The following C4orf50 variants were observed in gnomAD, a reference collection of about 807,000 sequenced individuals.
The protein encoded by C4orf50 is chromosome 4 open reading frame 50.
In C4orf50, 80 loss-of-function variants were observed where a neutral mutation model predicts 77.2. The observed-to-expected ratio is 1.04, with a 90% confidence interval of 0.87 to 1.25. The LOEUF (loss-of-function observed/expected upper bound fraction) is 1.25, where lower values mean the gene tolerates loss of function less well. Ranked by LOEUF, C4orf50 falls within the 50% of genes most tolerant of loss-of-function variation. The pLI is 0.00. For synonymous variants in C4orf50, 532 were observed against 465.3 expected, an observed-to-expected ratio of 1.14 and a Z score of -1.84; for missense variants, 1,257 against 1,152.9, an observed-to-expected ratio of 1.09 and a Z score of -1.31.
At chr4:5,978,547 C>T (rs368414071) in intron 29 of C4orf50, among the ~76,000 whole-genome samples, 4 of 152,190 alleles carry the variant, frequency 2.6e-5, no homozygotes, top group East Asian at 3.8e-4. Context: ...CACACACACC[C>T]CCTCCCCACA....
chr4:5,951,576 T>C (rs1451686863), intron 7 of C4orf50, among the ~76,000 whole-genome samples: 1 of 152,200 alleles, frequency 6.6e-6, no homozygotes, highest in Non-Finnish European at 1.5e-5. Context: ...ACTTTATCTA[T>C]GAGGTGAAAT....
At chr4:6,016,489 C>T (rs1040687899) in intron 23 of C4orf50, among the ~76,000 whole-genome samples, 1 of 152,152 alleles carries the variant, frequency 6.6e-6, no homozygotes, top group African/African-American at 2.4e-5. Context: ...GTGGGGTTTG[C>T]AGTGAGCCAA....
intron 25 of C4orf50, among the ~76,000 whole-genome samples, chr4:5,995,434 C>T (rs1200091075): frequency 6.6e-6 from 1 of 151,664 alleles, no homozygotes; most frequent in Non-Finnish European, 1.5e-5. Context: ...TCAGAGGCAG[C>T]TCCTTCCTCC....
chr4:6,006,020 C>G (rs901076508), intron 25 of C4orf50, among the ~76,000 whole-genome samples: 4 of 152,176 alleles, frequency 2.6e-5, no homozygotes, highest in Non-Finnish European at 5.9e-5. Flanking sequence ...TCTGTGCACA[C>G]TTGTTTTCCA....
chr4:6,001,572 A>T (rs1270152967), intron 25 of C4orf50, among the ~76,000 whole-genome samples: 1 of 152,172 alleles, frequency 6.6e-6, no homozygotes. Flanking sequence ...CGAGCCAAGA[A>T]GCCAGATCAT....
At chr4:5,918,020 G>A (rs1478483391) in intron 7 of C4orf50, among the ~76,000 whole-genome samples, 1 of 152,172 alleles carries the variant, frequency 6.6e-6, no homozygotes, top group Non-Finnish European at 1.5e-5. Context: ...AGGGCCCCGA[G>A]GGTGAAGCAG....
rs546162560 is a variant in C4orf50, at chr4:5,988,325, C to T, written c.3699+22G>A. 1.9e-6 allele frequency: 3 copies of T among 1,608,078 alleles called. No individual in the cohort carries two copies. The African/African-American group carries it at 4.0e-5, about 21-fold the overall frequency. On this transcript the variant is annotated intron_variant, in intron 28 of 33. Coordinates refer to ENST00000531445, the Ensembl canonical transcript of C4orf50. ...AACAGAGTCATGCGTGATGAGTAAG[C>T]AGATATGCAGACCCAACCTACCATG...
intron 33 of C4orf50, 26 bp downstream of exon 11, chr4:5,964,998 A>G (rs748505215): frequency 1.9e-6 from 3 of 1,599,772 alleles, no homozygotes; most frequent in Non-Finnish European, 2.6e-6. Context: ...TTCATTTAGG[A>G]AATGAGGTGA....
At chr4:5,990,613 C>T (rs927578377) in exon 28 of C4orf50, 12 of 398,992 alleles carry the variant, frequency 3.0e-5, no homozygotes, top group Middle Eastern at 6.2e-4. Flanking sequence ...CAGCAGTGGT[C>T]GCCAAGAAGC....
At chr4:5,904,654 G>C (rs1716472805) in intron 7 of C4orf50, 1 of 152,210 alleles carries the variant, frequency 6.6e-6, no homozygotes, top group African/African-American at 2.4e-5. Context: ...GCCGAGACTA[G>C]GGGTGCTTGG....
At chr4:5,906,491 G>A (rs1716556173) in intron 7 of C4orf50, among the ~76,000 whole-genome samples, 1 of 152,172 alleles carries the variant, frequency 6.6e-6, no homozygotes, top group South Asian at 2.1e-4. Flanking sequence ...TTGCCAAGAA[G>A]AGCCTTCATG....
At chr4:5,969,859 A>AG (rs577853168) in intron 31 of C4orf50, among the ~76,000 whole-genome samples, 593 of 152,274 alleles carry the variant, frequency 3.9e-3, no homozygotes, top group Admixed American at 7.7e-3. Flanking sequence ...CTACCCAGCT[A>AG]GGAGCACAGG....
chr4:5,926,722 G>A (rs1337152205), intron 7 of C4orf50, among the ~76,000 whole-genome samples: 4 of 151,994 alleles, frequency 2.6e-5, no homozygotes, highest in Non-Finnish European at 5.9e-5. Flanking sequence ...ATAAAGTGGT[G>A]GAAATAAACC....
chr4:6,002,789 G>T (rs955503741), intron 25 of C4orf50, among the ~76,000 whole-genome samples: 1 of 152,194 alleles, frequency 6.6e-6, no homozygotes, highest in Non-Finnish European at 1.5e-5. Context: ...CCAAGAGGCT[G>T]GGTGGATATG....
chr4:5,928,473 C>T (rs1169679549), intron 7 of C4orf50, among the ~76,000 whole-genome samples: 1 of 152,098 alleles, frequency 6.6e-6, no homozygotes, highest in Admixed American at 6.5e-5. Flanking sequence ...TGATGAAAGA[C>T]CTTTGTTTGT....
At chr4:6,016,980 C>T (rs1722706564) in intron 23 of C4orf50, among the ~76,000 whole-genome samples, 1 of 152,200 alleles carries the variant, frequency 6.6e-6, no homozygotes, top group African/African-American at 2.4e-5. Context: ...CATTGTGCTT[C>T]CATGCTGGGT....
intron 25 of C4orf50, among the ~76,000 whole-genome samples, chr4:6,004,268 G>A (rs200823274): frequency 0.035 from 1,189 of 33,558 alleles, 30 homozygotes; most frequent in East Asian, 0.068. Context: ...GGTGATGGTG[G>A]TGATGGTGAT....
intron 33 of C4orf50, among the ~76,000 whole-genome samples, chr4:5,962,568 C>G (rs914740725): frequency 6.6e-6 from 1 of 152,240 alleles, no homozygotes; most frequent in African/African-American, 2.4e-5. Flanking sequence ...GACTGCTCCT[C>G]TCCTCTCAAC....
rs1244466151 is a variant in C4orf50, at chr4:6,008,885, G to A, written c.427-353C>T. On this transcript the variant is annotated intron_variant, in intron 24 of 33. Transcript: ENST00000531445. The surrounding 1 kb of genome is among the most constrained non-coding windows in gnomAD (Gnocchi z 6.0). ...ATACTGAATACGTCCGCACCTGAGT[G>A]CACACAGCTGCTCCAGAGCCTCCCA... Among the ~76,000 whole-genome samples the A allele has an allele frequency of 6.6e-6, 1 of 152,124 alleles. No homozygotes were observed. Among genetic ancestry groups the A allele is most frequent in the Non-Finnish European group, 1.5e-5 (1 of 68,038 alleles).
Sources: allele counts gnomAD v4.1 joint callset (sites outside exome capture counted in the v4.1 genomes callset), GRCh38; gene constraint gnomAD v4.1.1; non-coding constraint Gnocchi (gnomAD v3.1); transcripts MANE v1.5; gene names NCBI Gene and HGNC (gene_info 2026-07-23, HGNC 2026-07-21).